MED12L: variants seen among roughly 807,000 people sequenced by gnomAD.
MED12L encodes the protein mediator of RNA polymerase II transcription subunit 12-like protein.
A neutral mutation model predicts 281.3 loss-of-function variants in MED12L; 60 were observed. The observed-to-expected ratio is 0.21, with a 90% CI of 0.17 to 0.26. The LOEUF (loss-of-function observed/expected upper bound fraction) is 0.26. Among genes scored for constraint, MED12L ranks in the 10% least tolerant of loss-of-function variants. The pLI is 1.00. For synonymous variants in MED12L, 974 were observed against 987.2 expected (o/e 0.99, Z 0.25); for missense variants, 2,146 against 2,680.9 (o/e 0.80, Z 4.41).
chr3:151,362,530 T>G (rs1406875056), intron 21 of MED12L, among the ~76,000 whole-genome samples: 1 of 152,068 alleles, frequency 6.6e-6, no homozygotes, highest in East Asian at 1.9e-4. Flanking sequence ...AGCACACCAT[T>G]TTAAATAGCA....
At chr3:151,266,381 A>G (rs16863287) in intron 16 of MED12L, among the ~76,000 whole-genome samples, 41,121 of 152,168 alleles carry the variant, frequency 0.27, 5,809 homozygotes, top group South Asian at 0.31. Flanking sequence ...TTTTAGGATC[A>G]CATTTACAGT....
intron 5 of MED12L, among the ~76,000 whole-genome samples, chr3:151,148,962 A>G (rs953271985): frequency 6.6e-6 from 1 of 152,208 alleles, no homozygotes; most frequent in East Asian, 1.9e-4. Context: ...TAGAGAAGGA[A>G]TTTGGCCTTT....
At chr3:151,336,842 G>C (rs998813029) in intron 16 of MED12L, 7 of 200,156 alleles carry the variant, frequency 3.5e-5, no homozygotes, top group African/African-American at 1.7e-4. Context: ...TTACAACAAA[G>C]AATGATTTAG....
chr3:151,118,311 C>T (rs1713190366), intron 3 of MED12L, among the ~76,000 whole-genome samples: 1 of 152,108 alleles, frequency 6.6e-6, no homozygotes, highest in East Asian at 1.9e-4. Flanking sequence ...CATTCCAGAT[C>T]TCTCTTTATG....
chr3:151,161,856 G>A (rs535682117), intron 8 of MED12L, among the ~76,000 whole-genome samples: 14 of 152,206 alleles, frequency 9.2e-5, no homozygotes, highest in Non-Finnish European at 1.3e-4. Context: ...AATGTGTAGA[G>A]TATTGGAGAC....
rs147071863 is a variant in MED12L, at chr3:151,205,736, A to G, written c.2250+12070A>G. ...ACTCAAGCCTGCACAGTTAGACCCT[A>G]GCGTCCCAGCTCTTAGTTATGCTTC... is the stretch of plus-strand genomic sequence containing the variant. On this transcript the variant is annotated intron_variant, in intron 16 of 44. Transcript: ENST00000687756. 3.0e-3 allele frequency among the ~76,000 whole-genome samples: 463 copies of G among 152,316 alleles called. 2 individuals are homozygous for G. The highest frequency in any genetic ancestry group is 8.1e-3 in the South Asian group (39 of 4,824).
At chr3:151,225,173 A>G (rs950269139) in intron 16 of MED12L, among the ~76,000 whole-genome samples, 3 of 152,120 alleles carry the variant, frequency 2.0e-5, no homozygotes, top group Admixed American at 6.5e-5. Flanking sequence ...TTTCTAAGTC[A>G]TAGACCTGTC....
At chr3:151,310,299 T>G (rs1474165318) in intron 16 of MED12L, among the ~76,000 whole-genome samples, 4 of 152,202 alleles carry the variant, frequency 2.6e-5, no homozygotes, top group Non-Finnish European at 5.9e-5. Context: ...AGAACAATTA[T>G]GAAGAAACAG....
At chr3:151,418,290 A>G (rs1412323915) in intron 43 of MED12L, among the ~76,000 whole-genome samples, 2 of 152,188 alleles carry the variant, frequency 1.3e-5, no homozygotes, top group African/African-American at 4.8e-5. Flanking sequence ...TAAAATTAGG[A>G]AATTGAACAT....
chr3:151,388,013 C>CCTGCCT lies in MED12L; in HGVS notation c.5294_5299dup (p.Leu1765_Pro1766dup). The CCTGCCT allele has an allele frequency of 6.2e-7, 1 of 1,614,000 alleles. No homozygotes were observed. Among genetic ancestry groups the CCTGCCT allele is most frequent in the Non-Finnish European group, 8.5e-7 (1 of 1,179,990 alleles). Reference sequence around the variant, plus strand: ...GCAGTTACTACCTCCAGCCACTGCCCCTGCCTCCTGAGGAGGAAGAGGAAG... The same window carrying CCTGCCT: ...GCAGTTACTACCTCCAGCCACTGCCCCTGCCTCTGCCTCCTGAGGAGGAAGAGGAAG... On this transcript the variant is annotated inframe_insertion, in exon 37 of 45. Transcript: ENST00000687756.
intron 3 of MED12L, among the ~76,000 whole-genome samples, chr3:151,119,375 G>A (rs1008279848): frequency 6.6e-6 from 1 of 152,138 alleles, no homozygotes; most frequent in African/African-American, 2.4e-5. Flanking sequence ...CCAAGATAAG[G>A]TGTCAGCAGG....
chr3:151,231,129 G>A lies in MED12L; in HGVS notation c.2250+37463G>A, dbSNP rs542827537. On this transcript the variant is annotated intron_variant, in intron 16 of 44. Transcript: ENST00000687756. ...ACCAAAACAAATTCAGGAGTTTATG[G>A]TGATATTAAAAGTACAGATTACAAA... is the stretch of plus-strand genomic sequence containing the variant. Among the ~76,000 whole-genome samples, 4 of 152,316 alleles carry A rather than the reference G, an allele frequency of 2.6e-5. No individual in the cohort carries two copies. In the East Asian group the frequency reaches 7.7e-4, roughly 29 times the overall value.
Position 151,388,130 on chromosome 3 carries a change from A to C in MED12L, c.5409A>C (p.Thr1803=). ...CCACAACAGATGAAGAAAAGAAAAC[A>C]AAAGGAAGGAAGCGCAAGACGAAAT... ...GKTTTDEEKK[T]KGRKRKTKSS... is the part of the protein sequence containing the mutation. The change falls in exon 37 of 45, where the codon ACA becomes ACC. Residue 1803 remains threonine, a synonymous_variant. Coordinates refer to ENST00000687756, the MANE Select transcript of MED12L (RefSeq NM_001393769.1). The C allele has an allele frequency of 6.2e-7, 1 of 1,609,294 alleles. No individual in the cohort carries two copies. The highest frequency in any genetic ancestry group is 1.7e-4 in the Middle Eastern group (1 of 6,054).
At chr3:151,336,525 C>T (rs761446505) in intron 16 of MED12L, 38 of 456,360 alleles carry the variant, frequency 8.3e-5, no homozygotes, top group Non-Finnish European at 1.1e-4. Context: ...GTCTGTTCCT[C>T]CTTCTGTTTG....
intron 2 of MED12L, among the ~76,000 whole-genome samples, chr3:151,087,783 G>A (rs956402251): frequency 6.6e-5 from 10 of 152,146 alleles, no homozygotes; most frequent in African/African-American, 1.9e-4. Context: ...ATGGCATTTT[G>A]TAGCTGTGTA....
At chr3:151,285,061 G>C (rs1012149517) in intron 16 of MED12L, among the ~76,000 whole-genome samples, 3 of 152,158 alleles carry the variant, frequency 2.0e-5, no homozygotes, top group African/African-American at 7.2e-5. Flanking sequence ...CAAAATAATG[G>C]CATTTGCAGT....
At chr3:151,155,829 TTAACA>T (rs1201255036) in intron 5 of MED12L, among the ~76,000 whole-genome samples, 10 of 152,296 alleles carry the variant, frequency 6.6e-5, no homozygotes, top group Admixed American at 6.5e-4. Flanking sequence ...TAACTGATGT[TTAACA>T]AGGAGGATCA....
chr3:151,334,591 G>C (rs117241364), intron 16 of MED12L, among the ~76,000 whole-genome samples: 1 of 151,730 alleles, frequency 6.6e-6, no homozygotes, highest in Admixed American at 6.6e-5. Context: ...CTGCAACCTC[G>C]TGTGTTCAAG....
At chr3:151,392,493 A>T (rs1560118437) in intron 38 of MED12L, among the ~76,000 whole-genome samples, 1 of 148,606 alleles carries the variant, frequency 6.7e-6, no homozygotes, top group African/African-American at 2.5e-5. Context: ...AAAAAAAGTA[A>T]AAATAAATAA....
Sources: allele counts gnomAD v4.1 joint callset (sites outside exome capture counted in the v4.1 genomes callset), GRCh38; gene constraint gnomAD v4.1.1; transcripts MANE v1.5; gene names NCBI Gene and HGNC (gene_info 2026-07-23, HGNC 2026-07-21).